Variants in PLXNA2 observed in about 807,000 individuals in gnomAD.
PLXNA2 encodes plexin-A2.
A neutral mutation model predicts 193.5 loss-of-function variants in PLXNA2; 91 were observed. The ratio of observed to expected loss-of-function variants is 0.47; its 90% CI spans 0.40 to 0.56. The LOEUF (loss-of-function observed/expected upper bound fraction) is 0.56. PLXNA2 is among the 20% of genes least tolerant of loss of function. PLXNA2 has a pLI of 0.00. For missense variants in PLXNA2, 1,995 were observed against 2,503.2 expected, an observed-to-expected ratio of 0.80 and a Z score of 4.33; for synonymous variants, 997 against 1,027.3, an observed-to-expected ratio of 0.97 and a Z score of 0.56.
intron 3 of PLXNA2, among the ~76,000 whole-genome samples, chr1:208,158,143 C>T (rs1249490017): frequency 6.6e-6 from 1 of 152,120 alleles, no homozygotes; most frequent in Non-Finnish European, 1.5e-5. Flanking sequence ...TCTTCTTCCC[C>T]GTTGAAAGAG....
At chr1:208,043,670 C>A (rs1474918044) in intron 20 of PLXNA2, among the ~76,000 whole-genome samples, 1 of 152,146 alleles carries the variant, frequency 6.6e-6, no homozygotes. Context: ...TTTGGGAAGG[C>A]AAGGGCTTCA....
chr1:208,139,436 A>AT (rs906861887), intron 4 of PLXNA2, among the ~76,000 whole-genome samples: 1 of 152,212 alleles, frequency 6.6e-6, no homozygotes, highest in Non-Finnish European at 1.5e-5. Context: ...GAGAGCTAGA[A>AT]TGGGCCATAT....
intron 3 of PLXNA2, among the ~76,000 whole-genome samples, chr1:208,170,586 C>T (rs1419626780): frequency 6.6e-6 from 1 of 152,174 alleles, no homozygotes; most frequent in Non-Finnish European, 1.5e-5. Context: ...GGGGCTAGTT[C>T]AACCAAGCAC....
rs1290626993 is a variant in PLXNA2, at chr1:208,042,180, T to C, written c.4204A>G (p.Thr1402Ala). The C allele has an allele frequency of 6.2e-7, 1 of 1,614,234 alleles. No homozygotes were observed. ...TGLQGRLEYA[T>A]DVLKQLLSDL... ...GAGAGCAGCTGCTTGAGGACATCAGTGGCATATTCCAGGCGGCCCTGCAGG... is the reference window on the plus strand; with the variant it reads ...GAGAGCAGCTGCTTGAGGACATCAGCGGCATATTCCAGGCGGCCCTGCAGG... Residue 1402 changes from threonine to alanine, a missense_variant, in exon 22 of 32, where the codon ACT becomes GCT. By Grantham distance (58) the Thr-to-Ala change is moderately conservative. Transcript: ENST00000367033.
At chr1:208,209,419 C>T (rs1182207631) in intron 3 of PLXNA2, among the ~76,000 whole-genome samples, 1 of 152,204 alleles carries the variant, frequency 6.6e-6, no homozygotes, top group Non-Finnish European at 1.5e-5. Context: ...TTCCTTGATC[C>T]ACAGGTGCTG....
intron 3 of PLXNA2, among the ~76,000 whole-genome samples, chr1:208,198,521 T>C (rs1053727579): frequency 6.6e-6 from 1 of 152,182 alleles, no homozygotes; most frequent in South Asian, 2.1e-4. Flanking sequence ...GGGGACTGTG[T>C]GTGGCACAAA....
intron 3 of PLXNA2, among the ~76,000 whole-genome samples, chr1:208,159,458 C>T (rs543584610): frequency 1.8e-4 from 28 of 152,326 alleles, no homozygotes; most frequent in East Asian, 3.9e-4. Context: ...TCCAGGAAGA[C>T]GGCTGCCCCT....
At position 208,052,436 on chromosome 1, in the gene PLXNA2, T is replaced by A. The variant is rs763791581; in HGVS notation, c.2884A>T (p.Ile962Phe). ...GTGCCTCCTGACTCGGGACCTCGGA[T>A]TGGGTTGAGTGACAGCACAGAAGGG... ...VNPSVLSLNPIRGPESGGTMV... is the reference protein window; with the variant it reads ...VNPSVLSLNPFRGPESGGTMV... Residue 962 changes from isoleucine (I) to phenylalanine (F), a missense_variant, in exon 15 of 32, where the codon ATC becomes TTC. Physicochemically the swap from Ile to Phe is conservative, Grantham distance 21. This residue lies in a region of PLXNA2 where 1,291 missense variants were observed against 1,673.6 expected (regional missense o/e 0.77). Coordinates refer to ENST00000367033, the MANE Select transcript of PLXNA2 (RefSeq NM_025179.4). 9.9e-6 allele frequency: 16 copies of A among 1,613,940 alleles called. No individual in the cohort carries two copies. Among genetic ancestry groups the A allele is most frequent in the Non-Finnish European group, 1.3e-5 (15 of 1,179,980 alleles).
rs537084284 is a variant in PLXNA2, at chr1:208,155,758, A to AGCTCTGGCTCATGGGATGCTGG, written c.1372-13317_1372-13296dup. ...CCCAGCTCTGGCTCATGGGATGCTG[A>AGCTCTGGCTCATGGGATGCTGG]GCTCTGGCTCATGGGATGCTGGGCT... On this transcript the variant is annotated intron_variant, in intron 3 of 31. Transcript: ENST00000367033. Among the ~76,000 whole-genome samples the AGCTCTGGCTCATGGGATGCTGG allele has an allele frequency of 4.5e-4, 68 of 151,346 alleles. 1 individual carries two copies. In the East Asian group the frequency reaches 0.012, roughly 27 times the overall value.
intron 3 of PLXNA2, among the ~76,000 whole-genome samples, chr1:208,185,859 A>G (rs1221097875): frequency 6.6e-6 from 1 of 152,054 alleles, no homozygotes; most frequent in East Asian, 1.9e-4. Context: ...GGCAAGGAAG[A>G]GGTGCTGGTG....
At chr1:208,050,229 A>G (rs975540097) in intron 17 of PLXNA2, among the ~76,000 whole-genome samples, 1 of 152,254 alleles carries the variant, frequency 6.6e-6, no homozygotes, top group Non-Finnish European at 1.5e-5. Flanking sequence ...ACGGGCTGGC[A>G]GGTTATGAAG....
intron 5 of PLXNA2, 63 bp downstream of exon 5, chr1:208,103,084 T>A: frequency 1.9e-6 from 2 of 1,077,330 alleles, no homozygotes; most frequent in Non-Finnish European, 2.9e-6. Flanking sequence ...TCATATCCCA[T>A]CATTCCCGGA....
chr1:208,135,759 T>C (rs551275485), intron 4 of PLXNA2, among the ~76,000 whole-genome samples: 1 of 152,258 alleles, frequency 6.6e-6, no homozygotes, highest in South Asian at 2.1e-4. Flanking sequence ...CTACAGTCCT[T>C]ACCAGCTCTG....
At position 208,217,519 on chromosome 1, in the gene PLXNA2, C is replaced by A. The variant is rs1671174789; in HGVS notation, c.404G>T (p.Gly135Val). ...ATCCAGCCGCAGCAGCTTGCAGACCCCCTGGTAGAGGCTCCCACAGGCCAG... is the reference window on the plus strand; with the variant it reads ...ATCCAGCCGCAGCAGCTTGCAGACCACCTGGTAGAGGCTCCCACAGGCCAG... ...RLLACGSLYQ[G>V]VCKLLRLDDL... is the part of the protein sequence containing the mutation. The change falls in exon 2 of 32, where the codon GGG becomes GTG. Residue 135 changes from glycine to valine, a missense_variant. Physicochemically the swap from Gly to Val is moderately radical, Grantham distance 109. Transcript: ENST00000367033. This position sits in a 1 kb window ranked among gnomAD's most constrained non-coding sequence, Gnocchi z 4.7. 1 of 1,614,078 alleles carries A rather than the reference C, an allele frequency of 6.2e-7. No individual in the cohort carries two copies. The highest frequency in any genetic ancestry group is 8.5e-7 in the Non-Finnish European group (1 of 1,180,042).
intron 1 of PLXNA2, among the ~76,000 whole-genome samples, chr1:208,239,107 G>A (rs572287898): frequency 2.0e-5 from 3 of 152,098 alleles, no homozygotes; most frequent in South Asian, 4.2e-4. Context: ...GGGAAGTGAC[G>A]GCTGGGAGTT....
chr1:208,171,686 G>A (rs1036863405), intron 3 of PLXNA2, among the ~76,000 whole-genome samples: 2 of 151,978 alleles, frequency 1.3e-5, no homozygotes, highest in African/African-American at 2.4e-5. Flanking sequence ...CTGTTTCTGC[G>A]ATAAATAAAT....
Position 208,078,353 on chromosome 1 carries a change from C to G in PLXNA2, c.2586+907G>C, listed in dbSNP as rs1475132898. Among the ~76,000 whole-genome samples the G allele has an allele frequency of 2.6e-5, 4 of 152,042 alleles. No individual in the cohort carries two copies. In the South Asian group the frequency reaches 8.3e-4, roughly 32 times the overall value. On this transcript the variant is annotated intron_variant, in intron 12 of 31. Transcript: ENST00000367033. ...ATCATAGAGACGTTCTAGAAGTTTC[C>G]CAATATTCTGTGACATAGGTGAGGA...
In PLXNA2 at chr1:208,152,509, T is replaced by G. The variant is rs567749113; in HGVS notation, c.1372-10046A>C. Among the ~76,000 whole-genome samples, 160 of 152,358 alleles carry G rather than the reference T, an allele frequency of 1.1e-3. 5 individuals carry two copies. The South Asian group carries it at 0.032, about 30-fold the overall frequency. ...CAGATTAATCTTCTTAAAACACTTG[T>G]TCGATCCTGCCTTTTCTGTATGCAA... On this transcript the variant is annotated intron_variant, in intron 3 of 31. Coordinates refer to ENST00000367033, the MANE Select transcript of PLXNA2 (RefSeq NM_025179.4).
chr1:208,027,088 G>T lies in PLXNA2; in HGVS notation c.*155C>A. On this transcript the variant is annotated 3_prime_UTR_variant, in exon 32 of 32. Coordinates refer to ENST00000367033, the MANE Select transcript of PLXNA2 (RefSeq NM_025179.4). ...GAACTGGCTATGACGAAACTTGGCT[G>T]GCGTAGGGAGAGGAGTCCTCCCCTC... 1.5e-6 allele frequency: 1 copy of T among 653,282 alleles called. No individual in the cohort carries two copies. The highest frequency in any genetic ancestry group is 2.6e-6 in the Non-Finnish European group (1 of 382,410). The allele number at this position is 653,282 out of a possible 1,614,324, so 40.5% of individuals were successfully genotyped here.
Sources: allele counts gnomAD v4.1 joint callset (sites outside exome capture counted in the v4.1 genomes callset), GRCh38; gene constraint gnomAD v4.1.1; regional missense constraint gnomAD v4.1.1; non-coding constraint Gnocchi (gnomAD v3.1); transcripts MANE v1.5; gene names NCBI Gene and HGNC (gene_info 2026-07-23, HGNC 2026-07-21).